ZFHX3: variants seen among roughly 807,000 people sequenced by gnomAD.
ZFHX3 encodes zinc finger homeobox protein 3.
ZFHX3 carries 42 observed loss-of-function variants against 279.1 expected under a neutral mutation model. That is an observed-to-expected ratio of 0.15 (90% CI 0.12 to 0.19). The LOEUF (loss-of-function observed/expected upper bound fraction) is 0.19, where lower values mean the gene tolerates loss of function less well. Ranked by LOEUF, ZFHX3 falls within the 10% of genes least tolerant of loss-of-function variation. The probability of loss-of-function intolerance (pLI) is 1.00; values close to 1 mark genes in which losing one functional copy is unlikely to be tolerated. For missense variants in ZFHX3, 4,981 were observed against 4,754.0 expected (o/e 1.05, Z -1.40); for synonymous variants, 2,293 against 1,957.8 (o/e 1.17, Z -4.52).
chr16:73,431,036 T>C (rs2017901404), intron 3 of ZFHX3, among the ~76,000 whole-genome samples: 1 of 152,200 alleles, frequency 6.6e-6, no homozygotes, highest in African/African-American at 2.4e-5. Context: ...GAAGCAAGTT[T>C]TGTGATAAAG....
chr16:73,193,453 C>T (rs1700913068), intron 5 of ZFHX3, among the ~76,000 whole-genome samples: 1 of 152,208 alleles, frequency 6.6e-6, no homozygotes, highest in Non-Finnish European at 1.5e-5. Flanking sequence ...ACCAGCTCTG[C>T]TGCTGCCCCT....
rs769193083 is a variant in ZFHX3 at position 72,793,306 on chromosome 16, G to C, written c.9376C>G (p.Leu3126Val). ...PALQGIPPVL[L>V]PGLNSPSLPG... Reference sequence around the variant, plus strand: ...AAGGAGGGGCTGTTGAGGCCCGGGAGCAACACAGGAGGAATGCCCTGGAGC... The same window carrying C: ...AAGGAGGGGCTGTTGAGGCCCGGGACCAACACAGGAGGAATGCCCTGGAGC... Residue 3126 changes from leucine to valine, a missense_variant, in exon 9 of 10, where the codon CTC becomes GTC. By Grantham distance (32) the Leu-to-Val change is conservative. Around this residue, in one of 7 missense-constraint regions of ZFHX3, gnomAD observed 1,034 missense variants for 786.0 expected, o/e 1.32. Transcript: ENST00000268489. This position sits in a 1 kb window ranked among gnomAD's most constrained non-coding sequence, Gnocchi z 4.3. The C allele has an allele frequency of 1.9e-6, 3 of 1,614,012 alleles. No homozygotes were observed. The Admixed American group carries it at 5.0e-5, about 27-fold the overall frequency.
intron 5 of ZFHX3, among the ~76,000 whole-genome samples, chr16:73,226,064 T>C (rs2012580877): frequency 6.6e-6 from 1 of 152,168 alleles, no homozygotes; most frequent in Non-Finnish European, 1.5e-5. Context: ...CTTAATGAAA[T>C]AAAATATAAA....
intron 5 of ZFHX3, among the ~76,000 whole-genome samples, chr16:73,237,597 C>A (rs1019508853): frequency 1.5e-5 from 2 of 136,576 alleles, no homozygotes; most frequent in Non-Finnish European, 3.0e-5. Flanking sequence ...GTATTGAACT[C>A]CTGGCCTCAA....
intron 4 of ZFHX3, among the ~76,000 whole-genome samples, chr16:72,882,349 G>A (rs2038499979): frequency 6.6e-6 from 1 of 152,100 alleles, no homozygotes; most frequent in African/African-American, 2.4e-5. Flanking sequence ...GAAGGGCAGT[G>A]TACAGCTGGT....
intron 4 of ZFHX3, among the ~76,000 whole-genome samples, chr16:72,873,913 A>G (rs1445370788): frequency 1.3e-5 from 2 of 152,170 alleles, no homozygotes; most frequent in Admixed American, 6.5e-5. Flanking sequence ...TAATCTTCTT[A>G]TATTTTAAAA....
At chr16:72,805,390 T>C (rs2143535203) in intron 7 of ZFHX3, among the ~76,000 whole-genome samples, 1 of 152,286 alleles carries the variant, frequency 6.6e-6, no homozygotes, top group East Asian at 1.9e-4. Context: ...AAGCCCACTA[T>C]TCCAGGTGAA....
chr16:73,178,337 C>T (rs1434966665), intron 5 of ZFHX3, among the ~76,000 whole-genome samples: 1 of 152,052 alleles, frequency 6.6e-6, no homozygotes, highest in Non-Finnish European at 1.5e-5. Context: ...TGGGGTTTGA[C>T]CATGTTGACC....
At chr16:73,647,456 C>T (rs1458648918) in intron 2 of ZFHX3, among the ~76,000 whole-genome samples, 2 of 152,046 alleles carry the variant, frequency 1.3e-5, no homozygotes, top group East Asian at 1.9e-4. Flanking sequence ...TAAAAGTATG[C>T]GGCACTTACC....
intron 5 of ZFHX3, among the ~76,000 whole-genome samples, chr16:73,177,163 C>A (rs1022294417): frequency 1.4e-5 from 2 of 142,010 alleles, no homozygotes; most frequent in African/African-American, 5.4e-5. Flanking sequence ...CAAAACCAAC[C>A]AACCAACCAG....
At chr16:72,948,046 C>T (rs1960788841) in intron 3 of ZFHX3, among the ~76,000 whole-genome samples, 1 of 152,132 alleles carries the variant, frequency 6.6e-6, no homozygotes, top group South Asian at 2.1e-4. Flanking sequence ...TGATCTTAGT[C>T]GTACTGAGGG....
intron 1 of ZFHX3, among the ~76,000 whole-genome samples, chr16:73,838,291 T>C (rs1199764999): frequency 6.6e-6 from 1 of 152,214 alleles, no homozygotes; most frequent in Admixed American, 6.5e-5. Context: ...TTTTGGACTT[T>C]TGTGCATTCT....
intron 1 of ZFHX3, among the ~76,000 whole-genome samples, chr16:73,725,042 A>G (rs1181853347): frequency 1.3e-5 from 2 of 152,196 alleles, no homozygotes. Context: ...AAATGATTTC[A>G]TTGTTTCCTA....
chr16:73,503,055 C>A (rs12600300), intron 2 of ZFHX3, among the ~76,000 whole-genome samples: 1 of 152,258 alleles, frequency 6.6e-6, no homozygotes, highest in Admixed American at 6.5e-5. Context: ...ACTGCAGGCC[C>A]CCTTTCCAGC....
At chr16:73,031,976 T>G (rs923901286) in intron 1 of ZFHX3, among the ~76,000 whole-genome samples, 5 of 151,630 alleles carry the variant, frequency 3.3e-5, no homozygotes, top group Non-Finnish European at 5.9e-5. Flanking sequence ...CTTTATGAGC[T>G]CCTGAGAGCC....
intron 6 of ZFHX3, among the ~76,000 whole-genome samples, chr16:73,131,722 G>A (rs899767297): frequency 6.6e-6 from 1 of 152,216 alleles, no homozygotes; most frequent in Non-Finnish European, 1.5e-5. Context: ...GTTGCCTGCA[G>A]CAGGGAGTTA....
chr16:73,008,612 T>C (rs969829349), intron 1 of ZFHX3, among the ~76,000 whole-genome samples: 11 of 152,190 alleles, frequency 7.2e-5, no homozygotes, highest in African/African-American at 2.7e-4. Flanking sequence ...AAGAGGATGT[T>C]AAGTCTCTGT....
At chr16:73,127,520 C>T in intron 7 of ZFHX3, 1 of 1,305,454 alleles carries the variant, frequency 7.7e-7, no homozygotes, top group East Asian at 5.5e-5. Context: ...AAGAAGAGAG[C>T]CCCTGAATGC....
chr16:73,364,309 T>G (rs930909114), intron 3 of ZFHX3, among the ~76,000 whole-genome samples: 48 of 151,140 alleles, frequency 3.2e-4, no homozygotes, highest in African/African-American at 1.2e-3. Flanking sequence ...TTTAATTTTT[T>G]CCTGTTTATT....
Sources: allele counts gnomAD v4.1 joint callset (sites outside exome capture counted in the v4.1 genomes callset), GRCh38; gene constraint gnomAD v4.1.1; regional missense constraint gnomAD v4.1.1; non-coding constraint Gnocchi (gnomAD v3.1); transcripts MANE v1.5; gene names NCBI Gene and HGNC (gene_info 2026-07-23, HGNC 2026-07-21).